PECR: variants seen among roughly 807,000 people sequenced by gnomAD.
PECR encodes 2,4-dienoyl-CoA reductase-related protein.
PECR carries 30 observed loss-of-function variants against 35.3 expected under a neutral mutation model. The ratio of observed to expected loss-of-function variants is 0.85; its 90% CI spans 0.64 to 1.15. The LOEUF (loss-of-function observed/expected upper bound fraction) is 1.15, where lower values mean the gene tolerates loss of function less well. Among genes scored for constraint, PECR ranks in the 50% most tolerant of loss-of-function variants. PECR has a pLI of 0.00. For missense variants in PECR, 392 were observed against 370.8 expected (o/e 1.06, Z -0.47); for synonymous variants, 148 against 138.9 (o/e 1.07, Z -0.46).
At chr2:216,067,291 T>C (rs906828856) in intron 1 of PECR, among the ~76,000 whole-genome samples, 1 of 151,942 alleles carries the variant, frequency 6.6e-6, no homozygotes, top group African/African-American at 2.4e-5. Context: ...TGGGAATAAA[T>C]CAAAGAGGAA....
chr2:216,041,904 C>A (rs1694892687), intron 7 of PECR, among the ~76,000 whole-genome samples: 1 of 152,234 alleles, frequency 6.6e-6, no homozygotes, highest in South Asian at 2.1e-4. Flanking sequence ...GACACAGAAG[C>A]TACGTGCCCC....
intron 1 of PECR, among the ~76,000 whole-genome samples, chr2:216,069,148 T>C (rs1695535343): frequency 6.6e-6 from 1 of 152,164 alleles, no homozygotes; most frequent in African/African-American, 2.4e-5. Flanking sequence ...ACAACCATGG[T>C]ATATTAACTG....
intron 7 of PECR, among the ~76,000 whole-genome samples, chr2:216,030,918 T>C (rs1387304800): frequency 1.4e-5 from 2 of 138,072 alleles, no homozygotes; most frequent in African/African-American, 2.7e-5. Context: ...AAGCCCACTA[T>C]GAGGCCCATT....
At position 216,067,473 on chromosome 2, in the gene PECR, C is replaced by G. The variant is rs531029821; in HGVS notation, c.125-955G>C. On this transcript the variant is annotated intron_variant, in intron 1 of 7. Coordinates refer to ENST00000265322, the MANE Select transcript of PECR (RefSeq NM_018441.6). Reference sequence around the variant, plus strand: ...ACCATAGACTAAAGGCTGCTCAGATCAAGCCTCTTTTAGAGTATCAAATTG... The same window carrying G: ...ACCATAGACTAAAGGCTGCTCAGATGAAGCCTCTTTTAGAGTATCAAATTG... Among the ~76,000 whole-genome samples, 3 of 152,294 alleles carry G rather than the reference C, an allele frequency of 2.0e-5. 1 individual carries two copies. The highest frequency in any genetic ancestry group is 7.2e-5 in the African/African-American group (3 of 41,556).
intron 3 of PECR, chr2:216,065,105 GAAATA>G: frequency 1.7e-6 from 1 of 589,646 alleles, no homozygotes. Context: ...TAAATTCCAA[GAAATA>G]AAATGATGAG....
chr2:216,065,163 T>C (rs1695438131), intron 3 of PECR, 149 bp downstream of exon 3: 3 of 733,674 alleles, frequency 4.1e-6, no homozygotes, highest in South Asian at 1.4e-5. Context: ...CAAATTACTA[T>C]ACTGAAATGT....
In PECR at chr2:216,038,525, T is replaced by C. The variant is rs1255427426; in HGVS notation, c.*750A>G. 6.6e-6 allele frequency: 1 copy of C among 152,274 alleles called. No homozygotes were observed. The highest frequency in any genetic ancestry group is 1.5e-5 in the Non-Finnish European group (1 of 68,048). The allele number at this position is 152,274 out of a possible 1,614,324, so 9.4% of individuals were successfully genotyped here. ...ATTTGCCACCAAAAATAAGTCATTG[T>C]ATAATTCTAATTTTAATAATCTTAA... On this transcript the variant is annotated 3_prime_UTR_variant, in exon 8 of 8. Coordinates refer to ENST00000265322, the MANE Select transcript of PECR (RefSeq NM_018441.6).
At position 216,043,968 on chromosome 2, in the gene PECR, G is replaced by A. The variant is rs1258178889; in HGVS notation, c.762C>T (p.Ile254=). Residue 254 remains isoleucine (I), a synonymous_variant, in exon 7 of 8, where the codon ATC becomes ATT. Coordinates refer to ENST00000265322, the MANE Select transcript of PECR (RefSeq NM_018441.6). ...CATCCACATCCACCGACTGTCCAGTGATGAAGGAAGCTGCAGGAGACAGTA... is the reference window on the plus strand; with the variant it reads ...CATCCACATCCACCGACTGTCCAGTAATGAAGGAAGCTGCAGGAGACAGTA... The part of the protein sequence containing the change: ...CFLLSPAASF[I]TGQSVDVDGG... 3.7e-6 allele frequency: 6 copies of A among 1,612,690 alleles called. No individual in the cohort carries two copies. Among genetic ancestry groups the A allele is most frequent in the Non-Finnish European group, 5.1e-6 (6 of 1,178,842 alleles).
intron 4 of PECR, among the ~76,000 whole-genome samples, chr2:216,052,359 G>C (rs1695132235): frequency 6.6e-6 from 1 of 152,176 alleles, no homozygotes; most frequent in Non-Finnish European, 1.5e-5. Flanking sequence ...GTAAAAAACA[G>C]ATTATTTAGT....
At chr2:216,068,433 A>G (rs1293785640) in intron 1 of PECR, among the ~76,000 whole-genome samples, 1 of 152,170 alleles carries the variant, frequency 6.6e-6, no homozygotes, top group African/African-American at 2.4e-5. Flanking sequence ...AATGAAAAAG[A>G]TGGTGAACCT....
chr2:216,036,821 GGACCT>G (rs1694801194), downstream of PECR, among the ~76,000 whole-genome samples: 1 of 152,170 alleles, frequency 6.6e-6, no homozygotes. Flanking sequence ...GCTTTTCAGA[GGACCT>G]GAACATAAGC....
In PECR at chr2:216,042,979, G is replaced by GTATA. The variant is rs10623080; in HGVS notation, c.826+921_826+924dup. On this transcript the variant is annotated intron_variant, in intron 7 of 7. Coordinates refer to ENST00000265322, the MANE Select transcript of PECR (RefSeq NM_018441.6). ...TATATATATACACATACGTATATGT[G>GTATA]TATATATATATACATACGTATATGT... Among the ~76,000 whole-genome samples the GTATA allele has an allele frequency of 5.7e-4, 75 of 130,464 alleles. 1 individual carries two copies. Among genetic ancestry groups the GTATA allele is most frequent in the Middle Eastern group, 3.9e-3 (1 of 254 alleles). 85.6% of individuals were successfully genotyped at this position (130,464 alleles called of 152,430 possible). A position where few individuals can be genotyped will look rare whatever the true frequency, so the allele number is the denominator to read the frequency against.
In PECR at chr2:216,081,707, G is replaced by T. The variant is rs146431905; in HGVS notation, c.35C>A (p.Ala12Glu). The change falls in exon 1 of 8, where the codon GCG becomes GAG. Residue 12 changes from alanine (A) to glutamate (E), a missense_variant. Coordinates refer to ENST00000265322, the MANE Select transcript of PECR (RefSeq NM_018441.6). Reference sequence around the variant, plus strand: ...CACTTGGCCCTGCAGCAAACCAGGCGCCAGGTAGCTCCTGCCCTTAGCCCA... The same window carrying T: ...CACTTGGCCCTGCAGCAAACCAGGCTCCAGGTAGCTCCTGCCCTTAGCCCA... Reference protein sequence around the residue: ...ASWAKGRSYLAPGLLQGQVAI... With the variant: ...ASWAKGRSYLEPGLLQGQVAI... 13 of 1,613,454 alleles carry T rather than the reference G, an allele frequency of 8.1e-6. No individual in the cohort carries two copies. The highest frequency in any genetic ancestry group is 1.1e-5 in the Non-Finnish European group (13 of 1,179,916).
At chr2:216,042,791 T>G (rs1047430217) in intron 7 of PECR, among the ~76,000 whole-genome samples, 4 of 151,870 alleles carry the variant, frequency 2.6e-5, no homozygotes, top group Admixed American at 1.3e-4. Context: ...GAGTCTTGGT[T>G]TATCTCCCAA....
intron 4 of PECR, among the ~76,000 whole-genome samples, chr2:216,057,302 A>G (rs1168764537): frequency 6.6e-6 from 1 of 152,186 alleles, no homozygotes; most frequent in Non-Finnish European, 1.5e-5. Flanking sequence ...CCAACTGGAA[A>G]ATGGTTACAC....
At position 216,072,317 on chromosome 2, in the gene PECR, C is replaced by T. The variant is rs113312063; in HGVS notation, c.125-5799G>A. On this transcript the variant is annotated intron_variant, in intron 1 of 7. Transcript: ENST00000265322. The stretch of plus-strand genomic sequence containing the variant: ...TTCACAAAGGCACAGAGTACAAAGG[C>T]TCTCCATTTGGCCTGAACTATTTTA... 3.1e-3 allele frequency among the ~76,000 whole-genome samples: 469 copies of T among 152,324 alleles called. 2 individuals carry two copies. Among genetic ancestry groups the T allele is most frequent in the African/African-American group, 0.011 (440 of 41,562 alleles).
At chr2:216,057,171 A>C (rs770191638) in intron 4 of PECR, among the ~76,000 whole-genome samples, 5 of 152,190 alleles carry the variant, frequency 3.3e-5, no homozygotes, top group Non-Finnish European at 5.9e-5. Flanking sequence ...CTTTGGACTT[A>C]GCAATTATAC....
chr2:216,060,269 A>G (rs1023941786), intron 3 of PECR, among the ~76,000 whole-genome samples: 4 of 152,214 alleles, frequency 2.6e-5, no homozygotes, highest in Non-Finnish European at 5.9e-5. Flanking sequence ...AAATACCACC[A>G]TATACATATA....
intron 7 of PECR, among the ~76,000 whole-genome samples, chr2:216,043,221 C>A (rs908964222): frequency 6.6e-6 from 1 of 151,776 alleles, no homozygotes; most frequent in Non-Finnish European, 1.5e-5. Flanking sequence ...CATTCTCCTG[C>A]CTCAGCCTCC....
Sources: gnomAD v4.1 joint callset for allele counts (sites outside exome capture counted in the v4.1 genomes callset) on GRCh38, gnomAD v4.1.1 for gene constraint, MANE v1.5 for transcripts, NCBI Gene and HGNC (gene_info 2026-07-23, HGNC 2026-07-21) for gene names.